RBFOX1: variants seen among roughly 807,000 people sequenced by gnomAD.
The protein encoded by RBFOX1 is RNA binding fox-1 homolog 1, also known as RNA binding protein fox-1 homolog 1.
Under a neutral mutation model 57.7 loss-of-function variants are expected in RBFOX1, and 8 were observed. That is an observed-to-expected ratio of 0.14 (90% confidence interval 0.08 to 0.25). RBFOX1 has a LOEUF of 0.25. RBFOX1 is among the 10% of genes least tolerant of loss of function. The pLI is 1.00. For missense variants in RBFOX1, 611 were observed against 548.5 expected (o/e 1.11, Z -1.14); for synonymous variants, 326 against 222.4 (o/e 1.47, Z -4.15).
At chr16:6,546,621 C>T (rs1411668422) in intron 2 of RBFOX1, among the ~76,000 whole-genome samples, 1 of 152,218 alleles carries the variant, frequency 6.6e-6, no homozygotes, top group African/African-American at 2.4e-5. Flanking sequence ...GTCCACATTT[C>T]TCCTTCTTAT....
In RBFOX1 at chr16:6,530,279, G is replaced by A. The variant is rs528877134; in HGVS notation, c.-63-124324G>A. Reference sequence around the variant, plus strand: ...AGAGTCATAGCTCTCAAGCTCAACAGTGTGCTTGCATTCCTCTTATTTGGC... The same window carrying A: ...AGAGTCATAGCTCTCAAGCTCAACAATGTGCTTGCATTCCTCTTATTTGGC... On this transcript the variant is annotated intron_variant, in intron 2 of 15. Transcript: ENST00000550418. 2.6e-5 allele frequency among the ~76,000 whole-genome samples: 4 copies of A among 152,244 alleles called. No individual in the cohort carries two copies. In the South Asian group the frequency reaches 8.3e-4, roughly 32 times the overall value.
In RBFOX1 at chr16:6,628,473, C is replaced by G. The variant is rs145013588; in HGVS notation, c.-63-26130C>G. Among the ~76,000 whole-genome samples the G allele has an allele frequency of 4.3e-3, 654 of 152,240 alleles. 4 individuals are homozygous for G. The highest frequency in any genetic ancestry group is 0.024 in the Middle Eastern group (7 of 294). On this transcript the variant is annotated intron_variant, in intron 2 of 15. Coordinates refer to ENST00000550418, the MANE Select transcript of RBFOX1 (RefSeq NM_018723.4). ...AAAGAATCATAATATACTATATACC[C>G]AGCATTAAGATGTTACAATTCACAT...
At chr16:6,508,511 T>A (rs2096170894) in intron 2 of RBFOX1, among the ~76,000 whole-genome samples, 1 of 152,116 alleles carries the variant, frequency 6.6e-6, no homozygotes, top group South Asian at 2.1e-4. Flanking sequence ...CTTAAAACCT[T>A]CCAAAGGTGT....
intron 2 of RBFOX1, chr16:6,483,562 G>C (rs1445670735): frequency 4.6e-6 from 7 of 1,530,328 alleles, no homozygotes; most frequent in East Asian, 4.9e-5. Context: ...GAGCGAAGAA[G>C]ACTCTAAAAC....
intron 3 of RBFOX1, among the ~76,000 whole-genome samples, chr16:6,740,263 A>C (rs757619940): frequency 5.3e-5 from 8 of 152,190 alleles, no homozygotes; most frequent in Non-Finnish European, 1.0e-4. Flanking sequence ...CAGTTTTCTT[A>C]ACTCGATAAA....
chr16:6,789,310 T>A (rs1399613573), intron 3 of RBFOX1, among the ~76,000 whole-genome samples: 1 of 152,174 alleles, frequency 6.6e-6, no homozygotes, highest in Non-Finnish European at 1.5e-5. Flanking sequence ...TAGCCAGTGG[T>A]ATAAGACCTT....
intron 3 of RBFOX1, among the ~76,000 whole-genome samples, chr16:5,708,917 G>A (rs1486418970): frequency 6.6e-6 from 1 of 152,110 alleles, no homozygotes; most frequent in East Asian, 1.9e-4. Context: ...GAGAGTGAGA[G>A]CAAGAAGAGG....
chr16:7,371,113 A>T (rs1299075577), intron 4 of RBFOX1, among the ~76,000 whole-genome samples: 1 of 152,168 alleles, frequency 6.6e-6, no homozygotes, highest in Non-Finnish European at 1.5e-5. Context: ...TGATGTTTTC[A>T]TAAATGCCAA....
intron 2 of RBFOX1, among the ~76,000 whole-genome samples, chr16:6,438,846 G>C (rs150858443): frequency 6.6e-6 from 1 of 152,176 alleles, no homozygotes; most frequent in African/African-American, 2.4e-5. Context: ...CACTGTACCT[G>C]AGTATTCTTA....
At chr16:5,261,377 T>C (rs2062727758) in intron 1 of RBFOX1, among the ~76,000 whole-genome samples, 1 of 152,146 alleles carries the variant, frequency 6.6e-6, no homozygotes, top group African/African-American at 2.4e-5. Flanking sequence ...TGAAGACTGT[T>C]TTTTTTAAAG....
At chr16:5,574,464 A>G (rs114247998) in intron 2 of RBFOX1, among the ~76,000 whole-genome samples, 10,072 of 149,992 alleles carry the variant, frequency 0.067, 991 homozygotes, top group African/African-American at 0.21. Context: ...CGCCGAGGCT[A>G]GAGTGCAGTG....
intron 3 of RBFOX1, among the ~76,000 whole-genome samples, chr16:6,957,811 CTT>C (rs900503639): frequency 6.6e-6 from 1 of 152,130 alleles, no homozygotes; most frequent in Non-Finnish European, 1.5e-5. Context: ...AGGCATCTCT[CTT>C]TTCACACAGC....
chr16:6,830,341 G>T (rs1326906125), intron 3 of RBFOX1, among the ~76,000 whole-genome samples: 1 of 152,234 alleles, frequency 6.6e-6, no homozygotes, highest in South Asian at 2.1e-4. Flanking sequence ...TCCTAACATT[G>T]TTTCATAAGA....
chr16:6,998,233 A>C (rs1366922261), intron 3 of RBFOX1, among the ~76,000 whole-genome samples: 3 of 152,184 alleles, frequency 2.0e-5, no homozygotes, highest in Non-Finnish European at 4.4e-5. Context: ...ATATATTCAA[A>C]TATTTGTTGC....
chr16:6,719,502 A>G (rs1193267170), intron 3 of RBFOX1, among the ~76,000 whole-genome samples: 3 of 151,270 alleles, frequency 2.0e-5, no homozygotes, highest in African/African-American at 2.4e-5. Context: ...GTGCAGTGGC[A>G]TGATCTTGGC....
chr16:6,967,632 G>C (rs928790735), intron 3 of RBFOX1, among the ~76,000 whole-genome samples: 5 of 151,972 alleles, frequency 3.3e-5, no homozygotes, highest in South Asian at 4.2e-4. Context: ...CTTCGCTGTT[G>C]AACAGCGAAG....
chr16:7,277,355 T>G (rs546460969), intron 4 of RBFOX1, among the ~76,000 whole-genome samples: 2 of 152,204 alleles, frequency 1.3e-5, no homozygotes, highest in Non-Finnish European at 2.9e-5. Context: ...GATATCTCCT[T>G]CTTTAGAAAA....
At chr16:7,532,854 C>T (rs2080463186) in intron 5 of RBFOX1, among the ~76,000 whole-genome samples, 2 of 152,134 alleles carry the variant, frequency 1.3e-5, no homozygotes, top group Admixed American at 6.6e-5. Flanking sequence ...ATTGTTTGAC[C>T]CTCAACAGAA....
Position 7,261,950 on chromosome 16 carries a change from G to T in RBFOX1, c.27+209852G>T, listed in dbSNP as rs570759883. Among the ~76,000 whole-genome samples the T allele has an allele frequency of 3.9e-5, 6 of 152,298 alleles. No individual in the cohort carries two copies. In the East Asian group the frequency reaches 9.7e-4, roughly 25 times the overall value. On this transcript the variant is annotated intron_variant, in intron 4 of 15. Coordinates refer to ENST00000550418, the MANE Select transcript of RBFOX1 (RefSeq NM_018723.4). ...GCCTTTGCAAGTCACTAGTTAAGGGGTGGTAGGGTGGCTGTTGTTAAATCA... is the reference window on the plus strand; with the variant it reads ...GCCTTTGCAAGTCACTAGTTAAGGGTTGGTAGGGTGGCTGTTGTTAAATCA...
Sources: gnomAD v4.1 joint callset for allele counts (sites outside exome capture counted in the v4.1 genomes callset) on GRCh38, gnomAD v4.1.1 for gene constraint, MANE v1.5 for transcripts, NCBI Gene and HGNC (gene_info 2026-07-23, HGNC 2026-07-21) for gene names.